PRKG1: variants seen among roughly 807,000 people sequenced by gnomAD.
PRKG1 encodes the protein cGMP-dependent protein kinase 1.
Under a neutral mutation model 88.1 loss-of-function variants are expected in PRKG1, and 35 were observed. That is an observed-to-expected ratio of 0.40 (90% CI 0.30 to 0.53). PRKG1 has a LOEUF of 0.53. Among genes scored for constraint, PRKG1 ranks in the 20% least tolerant of loss-of-function variants. The probability of loss-of-function intolerance (pLI) is 0.59; values close to 1 mark genes in which losing one functional copy is unlikely to be tolerated. For synonymous variants in PRKG1, 303 were observed against 292.5 expected, an observed-to-expected ratio of 1.04 and a Z score of -0.37; for missense variants, 540 against 839.8, an observed-to-expected ratio of 0.64 and a Z score of 4.41.
intron 2 of PRKG1, among the ~76,000 whole-genome samples, chr10:51,413,620 A>G (rs1432096581): frequency 6.6e-6 from 1 of 152,130 alleles, no homozygotes; most frequent in Non-Finnish European, 1.5e-5. Flanking sequence ...CTGCCTCCCA[A>G]GGTGCTGGGA....
intron 2 of PRKG1, among the ~76,000 whole-genome samples, chr10:51,178,591 T>G (rs1188227667): frequency 6.6e-6 from 1 of 152,152 alleles, no homozygotes; most frequent in African/African-American, 2.4e-5. Context: ...GAGCTTTGAT[T>G]ATGCCACTGC....
At chr10:52,089,801 C>CTTTTT (rs1554802482) in intron 7 of PRKG1, among the ~76,000 whole-genome samples, 1 of 78,464 alleles carries the variant, frequency 1.3e-5, no homozygotes, top group African/African-American at 5.1e-5. Flanking sequence ...TGTTTCTTTC[C>CTTTTT]TTCTTTTTTT....
intron 5 of PRKG1, among the ~76,000 whole-genome samples, chr10:51,969,393 A>G (rs1843649913): frequency 6.6e-6 from 1 of 152,184 alleles, no homozygotes; most frequent in Non-Finnish European, 1.5e-5. Flanking sequence ...AGATAAAAGT[A>G]CTACCCATTG....
At chr10:51,518,749 C>T (rs1436932371) in intron 3 of PRKG1, among the ~76,000 whole-genome samples, 3 of 152,114 alleles carry the variant, frequency 2.0e-5, no homozygotes, top group Non-Finnish European at 4.4e-5. Context: ...CTGTCAGTAT[C>T]GCTTAAATAT....
At chr10:51,846,359 C>T (rs2132791038) in intron 4 of PRKG1, among the ~76,000 whole-genome samples, 1 of 152,224 alleles carries the variant, frequency 6.6e-6, no homozygotes, top group Middle Eastern at 3.4e-3. Context: ...ATATGTTTAA[C>T]TCTGGTGGAG....
At chr10:51,796,366 T>G (rs1046759860) in intron 3 of PRKG1, among the ~76,000 whole-genome samples, 26 of 152,148 alleles carry the variant, frequency 1.7e-4, no homozygotes, top group African/African-American at 6.0e-4. Context: ...AAAAATATTA[T>G]TATTTTAACA....
At chr10:51,612,082 C>A (rs1838924883) in intron 3 of PRKG1, among the ~76,000 whole-genome samples, 1 of 151,968 alleles carries the variant, frequency 6.6e-6, no homozygotes, top group South Asian at 2.1e-4. Context: ...ATGATTTCAG[C>A]TTTGCACTTT....
chr10:52,232,315 C>CA (rs946143132), intron 9 of PRKG1, among the ~76,000 whole-genome samples: 1 of 149,272 alleles, frequency 6.7e-6, no homozygotes, highest in East Asian at 2.0e-4. Context: ...AGAAAACAAA[C>CA]AAAAAAACAA....
intron 3 of PRKG1, among the ~76,000 whole-genome samples, chr10:51,571,857 C>A (rs72795191): frequency 0.047 from 7,094 of 151,818 alleles, 237 homozygotes; most frequent in South Asian, 0.12. Context: ...ATTCACCTTT[C>A]TGAGATGTGC....
chr10:52,205,301 G>A (rs2132787370), intron 9 of PRKG1, among the ~76,000 whole-genome samples: 1 of 152,182 alleles, frequency 6.6e-6, no homozygotes, highest in Non-Finnish European at 1.5e-5. Flanking sequence ...CCTCCCCTTT[G>A]AAAATTGCTA....
intron 4 of PRKG1, among the ~76,000 whole-genome samples, chr10:51,898,523 A>C (rs1234904785): frequency 1.3e-5 from 2 of 152,068 alleles, no homozygotes; most frequent in Non-Finnish European, 2.9e-5. Context: ...ATTAAACAAC[A>C]ATTTTTTTCC....
At chr10:51,597,064 C>CT (rs1172814879) in intron 3 of PRKG1, among the ~76,000 whole-genome samples, 1 of 152,132 alleles carries the variant, frequency 6.6e-6, no homozygotes, top group Non-Finnish European at 1.5e-5. Flanking sequence ...AGGGACTTAT[C>CT]TAGGGTTAGG....
chr10:51,509,350 T>G (rs1449382568), intron 3 of PRKG1, among the ~76,000 whole-genome samples: 1 of 152,170 alleles, frequency 6.6e-6, no homozygotes, highest in Non-Finnish European at 1.5e-5. Context: ...GGAATCATCA[T>G]GGTAAATATC....
At chr10:51,750,379 A>C (rs1271382858) in intron 3 of PRKG1, among the ~76,000 whole-genome samples, 1 of 152,208 alleles carries the variant, frequency 6.6e-6, no homozygotes, top group Non-Finnish European at 1.5e-5. Context: ...CATAACAGAG[A>C]TGAACATAGA....
intron 2 of PRKG1, among the ~76,000 whole-genome samples, chr10:51,427,640 A>G (rs902277645): frequency 1.3e-5 from 2 of 152,196 alleles, no homozygotes; most frequent in African/African-American, 2.4e-5. Flanking sequence ...ACCTTGTTGC[A>G]AGAGCTGCAT....
chr10:51,350,162 T>C (rs1174535023), intron 2 of PRKG1, among the ~76,000 whole-genome samples: 1 of 152,182 alleles, frequency 6.6e-6, no homozygotes, highest in Non-Finnish European at 1.5e-5. Flanking sequence ...TTTCCACAAG[T>C]GGAGCTGGAC....
chr10:51,807,529 A>T (rs1467008005), intron 4 of PRKG1, among the ~76,000 whole-genome samples: 2 of 152,204 alleles, frequency 1.3e-5, no homozygotes, highest in East Asian at 3.8e-4. Context: ...ATACAGGGGA[A>T]AACTGCATTT....
intron 7 of PRKG1, among the ~76,000 whole-genome samples, chr10:52,073,954 TAAAC>T (rs1176872710): frequency 2.0e-5 from 3 of 152,250 alleles, no homozygotes; most frequent in African/African-American, 7.2e-5. Flanking sequence ...GATTATTTAA[TAAAC>T]AAAATTTGAA....
At chr10:51,011,319 C>T (rs1041317355) in intron 1 of PRKG1, among the ~76,000 whole-genome samples, 2 of 152,056 alleles carry the variant, frequency 1.3e-5, no homozygotes, top group Non-Finnish European at 2.9e-5. Context: ...ACTCTACCCA[C>T]CAGTAACAGC....
Sources: allele counts gnomAD v4.1 joint callset (sites outside exome capture counted in the v4.1 genomes callset), GRCh38; gene constraint gnomAD v4.1.1; transcripts MANE v1.5; gene names NCBI Gene and HGNC (gene_info 2026-07-23, HGNC 2026-07-21).